SUMO3: variants seen among roughly 807,000 people sequenced by gnomAD.
SUMO3 encodes the protein small ubiquitin-related modifier 3.
SUMO3 carries 2 observed loss-of-function variants against 11.1 expected under a neutral mutation model. The ratio of observed to expected loss-of-function variants is 0.18; its 90% CI spans 0.07 to 0.57. SUMO3 has a LOEUF of 0.57. Ranked by LOEUF, SUMO3 falls within the 20% of genes least tolerant of loss-of-function variation. The pLI is 0.92. For missense variants in SUMO3, 70 were observed against 132.8 expected (o/e 0.53, Z 2.32); for synonymous variants, 56 against 53.5 (o/e 1.05, Z -0.20).
intron 2 of SUMO3, 114 bp from the exon 3 acceptor site, chr21:44,809,232 A>G (rs2083196158): frequency 1.0e-6 from 1 of 984,634 alleles, no homozygotes. Context: ...GCCATTAAAC[A>G]TTTCCAGATA....
rs553747545 is a variant in SUMO3 at position 44,811,045 on chromosome 21, C to G, written c.151-1927G>C. Among the ~76,000 whole-genome samples the G allele has an allele frequency of 1.3e-5, 2 of 150,458 alleles. No homozygotes were observed. The highest frequency in any genetic ancestry group is 4.9e-5 in the African/African-American group (2 of 41,150). ...ACACACGCACACACCCACATACACA[C>G]ACGCACACACCCACACATACACACA... On this transcript the variant is annotated intron_variant, in intron 2 of 3. Coordinates refer to ENST00000332859, the MANE Select transcript of SUMO3 (RefSeq NM_006936.3). This position sits in a 1 kb window ranked among gnomAD's most constrained non-coding sequence, Gnocchi z 5.0.
intron 2 of SUMO3, among the ~76,000 whole-genome samples, chr21:44,809,594 CAT>C (rs2083198484): frequency 6.6e-6 from 1 of 152,258 alleles, no homozygotes; most frequent in African/African-American, 2.4e-5. Context: ...CATCCAAACT[CAT>C]GTACCTCTAA....
chr21:44,809,270 A>C, intron 2 of SUMO3, 152 bp from the exon 3 acceptor site: 5 of 719,926 alleles, frequency 6.9e-6, no homozygotes, highest in Non-Finnish European at 2.4e-6. Flanking sequence ...CAAATATTTT[A>C]ATCCAAGTAT....
chr21:44,815,736 T>C (rs1601218907), intron 1 of SUMO3, among the ~76,000 whole-genome samples: 1 of 151,960 alleles, frequency 6.6e-6, no homozygotes, highest in Non-Finnish European at 1.5e-5. Flanking sequence ...CCGGGGGGAA[T>C]GGCTGCAGCC....
rs1601209939 is a variant in SUMO3, at chr21:44,807,169, C to T, written c.223-129G>A. ...GCGACATCACCTGGTCACACCTTGG[C>T]TCTTGTCCGTCCCCTCACTGCAGCT... On this transcript the variant is annotated intron_variant, in intron 3 of 3. Coordinates refer to ENST00000332859, the MANE Select transcript of SUMO3 (RefSeq NM_006936.3). The surrounding 1 kb of genome is among the most constrained non-coding windows in gnomAD (Gnocchi z 4.3). The T allele has an allele frequency of 8.6e-7, 1 of 1,161,608 alleles. No individual in the cohort carries two copies. The highest frequency in any genetic ancestry group is 1.2e-6 in the Non-Finnish European group (1 of 827,010). The allele number at this position is 1,161,608 out of a possible 1,614,324, so 72.0% of individuals were successfully genotyped here.
In SUMO3 at chr21:44,806,304, C is replaced by T. The variant is rs968667495; in HGVS notation, c.*647G>A. On this transcript the variant is annotated 3_prime_UTR_variant, in exon 4 of 4. Coordinates refer to ENST00000332859, the MANE Select transcript of SUMO3 (RefSeq NM_006936.3). ...AGGGGGGTGGGTCCTGGGCCTCAGA[C>T]CCCGAGGTTACATGCTTGAGGGCCA... is the stretch of plus-strand genomic sequence containing the variant. The T allele has an allele frequency of 2.0e-5, 3 of 152,216 alleles. No homozygotes were observed. The highest frequency in any genetic ancestry group is 7.2e-5 in the African/African-American group (3 of 41,406). The allele number at this position is 152,216 out of a possible 1,614,324, so 9.4% of individuals were successfully genotyped here.
Position 44,809,086 on chromosome 21 carries a change from G to A in SUMO3, c.183C>T (p.Phe61=), listed in dbSNP as rs148679100. ...CAGTTTCATTGATTGGCTGCCCGTC[G>A]AACCTGAATCTGATCTGCCTCATTG... ...GLSMRQIRFR[F]DGQPINETDT... is the part of the protein sequence containing the mutation. The change falls in exon 3 of 4, where the codon TTC becomes TTT. Residue 61 remains phenylalanine, a synonymous_variant. Transcript: ENST00000332859. 344 of 1,613,824 alleles carry A rather than the reference G, an allele frequency of 2.1e-4. No homozygotes were observed. The highest frequency in any genetic ancestry group is 2.7e-4 in the Non-Finnish European group (317 of 1,179,984).
At chr21:44,813,649 C>G in intron 2 of SUMO3, 1 of 674,218 alleles carries the variant, frequency 1.5e-6, no homozygotes, top group Non-Finnish European at 2.5e-6. Context: ...CTGAGCAGGG[C>G]CCCCAAGAGC....
chr21:44,813,426 CACCCA>C, intron 2 of SUMO3: 3 of 199,674 alleles, frequency 1.5e-5, no homozygotes, highest in South Asian at 1.0e-4. Context: ...AGAAGGCATC[CACCCA>C]GCTGGGCACT....
intron 1 of SUMO3, among the ~76,000 whole-genome samples, chr21:44,817,633 G>C (rs905751619): frequency 3.3e-5 from 5 of 151,472 alleles, no homozygotes; most frequent in Non-Finnish European, 7.4e-5. Flanking sequence ...CGCTCTGCAG[G>C]AGCAGCAGCG....
At position 44,810,229 on chromosome 21, in the gene SUMO3, G is replaced by C. The variant is rs2838694; in HGVS notation, c.151-1111C>G. 0.084 allele frequency among the ~76,000 whole-genome samples: 12,771 copies of C among 152,258 alleles called. 607 individuals are homozygous for C. The highest frequency in any genetic ancestry group is 0.099 in the South Asian group (480 of 4,826). On this transcript the variant is annotated intron_variant, in intron 2 of 3. Coordinates refer to ENST00000332859, the MANE Select transcript of SUMO3 (RefSeq NM_006936.3). The surrounding 1 kb of genome is among the most constrained non-coding windows in gnomAD (Gnocchi z 4.1). ...GAAACCCCACTGAAATGAAGTAAAT[G>C]AAAAAGGCACAAACAGGAAGGACAA...
Position 44,811,997 on chromosome 21 carries a change from G to A in SUMO3, c.150+1979C>T, listed in dbSNP as rs1318744464. The stretch of plus-strand genomic sequence containing the variant: ...AGAATATGGTCCCAGATACTTCCAG[G>A]GAAAAACCAAGTTACAAACAAAGCA... On this transcript the variant is annotated intron_variant, in intron 2 of 3. Transcript: ENST00000332859. This position sits in a 1 kb window ranked among gnomAD's most constrained non-coding sequence, Gnocchi z 5.0. Among the ~76,000 whole-genome samples the A allele has an allele frequency of 6.8e-6, 1 of 146,342 alleles. No homozygotes were observed. Among genetic ancestry groups the A allele is most frequent in the African/African-American group, 2.5e-5 (1 of 40,134 alleles).
Position 44,818,044 on chromosome 21 carries a change from G to C in SUMO3, c.-76C>G. The C allele has an allele frequency of 3.6e-6, 4 of 1,115,638 alleles. No individual in the cohort carries two copies. Among genetic ancestry groups the C allele is most frequent in the Non-Finnish European group, 4.4e-6 (4 of 899,022 alleles). 69.1% of individuals were successfully genotyped at this position (1,115,638 alleles called of 1,614,324 possible). ...GGCGAGTCACGCTCTCGGCCCCGCCGCTCTCCCGCCGCAACTGTGCGCGGG... is the reference window on the plus strand; with the variant it reads ...GGCGAGTCACGCTCTCGGCCCCGCCCCTCTCCCGCCGCAACTGTGCGCGGG... On this transcript the variant is annotated 5_prime_UTR_variant, in exon 1 of 4. Coordinates refer to ENST00000332859, the MANE Select transcript of SUMO3 (RefSeq NM_006936.3).
intron 2 of SUMO3, among the ~76,000 whole-genome samples, chr21:44,809,697 T>C (rs1216313312): frequency 6.6e-6 from 1 of 152,208 alleles, no homozygotes; most frequent in Non-Finnish European, 1.5e-5. Context: ...CCAGGAGGTC[T>C]CTGAGGAGCA....
At chr21:44,808,578 G>C (rs1204818155) in intron 3 of SUMO3, 1 of 1,382,062 alleles carries the variant, frequency 7.2e-7, no homozygotes, top group Non-Finnish European at 9.4e-7. Flanking sequence ...CCTGCAACGT[G>C]ATAGATGAAA....
intron 3 of SUMO3, chr21:44,808,428 G>T (rs1388835318): frequency 1.7e-5 from 21 of 1,215,724 alleles, no homozygotes; most frequent in Non-Finnish European, 2.2e-6. Context: ...CAGGAGAATG[G>T]CGTGAACTCA....
intron 3 of SUMO3, among the ~76,000 whole-genome samples, chr21:44,808,729 A>G (rs751745951): frequency 7.9e-5 from 12 of 152,208 alleles, no homozygotes; most frequent in Non-Finnish European, 1.5e-4. Context: ...TAAGCTGCAC[A>G]CGGGCTACAA....
At chr21:44,812,282 CTCCTGACCTCAAGTCTTGAAT>C (rs1226391578) in intron 2 of SUMO3, among the ~76,000 whole-genome samples, 1 of 151,784 alleles carries the variant, frequency 6.6e-6, no homozygotes, top group Non-Finnish European at 1.5e-5. Flanking sequence ...TGGCACTGAA[CTCCTGACCTCAAGTCTTGAAT>C]TCCTGACCTC....
intron 2 of SUMO3, among the ~76,000 whole-genome samples, chr21:44,809,875 C>T (rs1029537031): frequency 3.9e-5 from 6 of 152,220 alleles, no homozygotes; most frequent in African/African-American, 1.4e-4. Flanking sequence ...GTGCCCTGAC[C>T]TGTCCTGGGT....
Sources: gnomAD v4.1 joint callset for allele counts (sites outside exome capture counted in the v4.1 genomes callset) on GRCh38, gnomAD v4.1.1 for gene constraint, Gnocchi (gnomAD v3.1) non-coding constraint, MANE v1.5 for transcripts, NCBI Gene and HGNC (gene_info 2026-07-23, HGNC 2026-07-21) for gene names.